Variants in TTYH3 observed in about 807,000 individuals in gnomAD.
TTYH3 encodes protein tweety homolog 3.
A neutral mutation model predicts 68.2 loss-of-function variants in TTYH3; 23 were observed. That is an observed-to-expected ratio of 0.34 (90% confidence interval 0.24 to 0.48). The LOEUF (loss-of-function observed/expected upper bound fraction) is 0.48, where lower values mean the gene tolerates loss of function less well. TTYH3 is among the 20% of genes least tolerant of loss of function. TTYH3 has a pLI of 0.99. For missense variants in TTYH3, 768 were observed against 727.7 expected (o/e 1.06, Z -0.64); for synonymous variants, 360 against 332.8 (o/e 1.08, Z -0.89).
At chr7:2,643,914 G>T (rs549683285) in intron 1 of TTYH3, among the ~76,000 whole-genome samples, 105 of 152,324 alleles carry the variant, frequency 6.9e-4, no homozygotes, top group African/African-American at 2.4e-3. Context: ...GTGAGTCCCA[G>T]ATGTGGGGTG....
chr7:2,646,945 G>T lies in TTYH3; in HGVS notation c.216G>T (p.Arg72=). The change falls in exon 2 of 14, where the codon CGG becomes CGT. Residue 72 remains arginine, a synonymous_variant. Coordinates refer to ENST00000258796, the MANE Select transcript of TTYH3 (RefSeq NM_025250.3). ...LFYSFWLCCR[R]RKSEEHLDAD... The stretch of plus-strand genomic sequence containing the variant: ...ACTCCTTCTGGCTGTGCTGCCGGCG[G>T]CGCAAGAGCGAGGAGCACCTGGACG... 6.2e-7 allele frequency: 1 copy of T among 1,600,444 alleles called. No homozygotes were observed.
intron 13 of TTYH3, among the ~76,000 whole-genome samples, chr7:2,660,943 C>A (rs1786478622): frequency 1.3e-5 from 2 of 152,226 alleles, no homozygotes; most frequent in Admixed American, 1.3e-4. Context: ...AAGACCTTCA[C>A]ACTCCTGCCT....
At position 2,648,449 on chromosome 7, in the gene TTYH3, G is replaced by A. The variant is rs1396237349; in HGVS notation, c.722+395G>A. 3.6e-5 allele frequency: 7 copies of A among 194,798 alleles called. No homozygotes were observed. The South Asian group carries it at 1.0e-3, about 28-fold the overall frequency. 12.1% of individuals were successfully genotyped at this position (194,798 alleles called of 1,614,324 possible). On this transcript the variant is annotated intron_variant, in intron 5 of 13. Transcript: ENST00000258796. ...TTCCAGCCCCAGCTCCGGCTCACTA[G>A]GAGGGTGACCTTGGGCAGGTGGCTT...
Position 2,640,286 on chromosome 7 carries a change from C to T in TTYH3, c.124-6567C>T, listed in dbSNP as rs562903395. On this transcript the variant is annotated intron_variant, in intron 1 of 13. Coordinates refer to ENST00000258796, the MANE Select transcript of TTYH3 (RefSeq NM_025250.3). The stretch of plus-strand genomic sequence containing the variant: ...CCAGGGCCTCCTCAGCCCAGCCACG[C>T]GCCACGGTAGCCCACAGGTTGGTGG... Among the ~76,000 whole-genome samples, 81 of 152,312 alleles carry T rather than the reference C, an allele frequency of 5.3e-4. No individual in the cohort carries two copies. The East Asian group carries it at 0.012, about 23-fold the overall frequency.
Position 2,661,833 on chromosome 7 carries a change from C to T in TTYH3, c.*94C>T, listed in dbSNP as rs1786506382. 7 of 1,380,446 alleles carry T rather than the reference C, an allele frequency of 5.1e-6. No homozygotes were observed. Among genetic ancestry groups the T allele is most frequent in the East Asian group, 2.5e-5 (1 of 40,238 alleles). The allele number at this position is 1,380,446 out of a possible 1,614,324, so 85.5% of individuals were successfully genotyped here. A position where few individuals can be genotyped will look rare whatever the true frequency, so the allele number is the denominator to read the frequency against. On this transcript the variant is annotated 3_prime_UTR_variant, in exon 14 of 14. Coordinates refer to ENST00000258796, the MANE Select transcript of TTYH3 (RefSeq NM_025250.3). The stretch of plus-strand genomic sequence containing the variant: ...CTGGGCCACCCACCGGACCCTCGCA[C>T]GCCGTGCCAGGCCTGCCCCAGACGC...
At chr7:2,651,142 A>C (rs896113626) in intron 7 of TTYH3, among the ~76,000 whole-genome samples, 1 of 152,054 alleles carries the variant, frequency 6.6e-6, no homozygotes, top group Admixed American at 6.5e-5. Flanking sequence ...GGGTGCCGTC[A>C]GTGTGTTAAG....
intron 8 of TTYH3, 48 bp from the exon 9 acceptor site, chr7:2,652,870 C>A (rs140652743): frequency 1.4e-6 from 2 of 1,450,354 alleles, no homozygotes; most frequent in Admixed American, 4.1e-5. Flanking sequence ...GAGGGAGAGG[C>A]GGGCGGACCC....
chr7:2,660,083 G>A (rs1399779110), intron 13 of TTYH3: 1 of 1,285,280 alleles, frequency 7.8e-7, no homozygotes, highest in African/African-American at 1.5e-5. Flanking sequence ...CCACCCGCCT[G>A]CGCCTCCCGC....
At chr7:2,634,072 G>A (rs2114968574) in intron 1 of TTYH3, among the ~76,000 whole-genome samples, 1 of 152,316 alleles carries the variant, frequency 6.6e-6, no homozygotes, top group African/African-American at 2.4e-5. Context: ...GGAGGGCTCT[G>A]ACTCACTCTC....
intron 4 of TTYH3, 50 bp from the exon 5 acceptor site, chr7:2,647,908 TC>T (rs1343047106): frequency 1.3e-6 from 2 of 1,592,158 alleles, no homozygotes; most frequent in Admixed American, 3.3e-5. Context: ...GGCGCCCCAC[TC>T]CCAGGCCCCG....
intron 11 of TTYH3, among the ~76,000 whole-genome samples, chr7:2,657,911 G>T (rs1404296699): frequency 1.3e-5 from 2 of 152,208 alleles, no homozygotes; most frequent in Non-Finnish European, 2.9e-5. Flanking sequence ...ACCCAAGGGT[G>T]CAGTTGGATC....
At chr7:2,654,559 T>C (rs1173102259) in intron 9 of TTYH3, among the ~76,000 whole-genome samples, 2 of 152,326 alleles carry the variant, frequency 1.3e-5, no homozygotes, top group Non-Finnish European at 2.9e-5. Flanking sequence ...TTGGCGTTTT[T>C]GCACTCGAGT....
chr7:2,656,473 G>A lies in TTYH3; in HGVS notation c.1189G>A (p.Val397Ile), dbSNP rs773510160. Reference protein sequence around the residue: ...GLIYLALFSFVTALMFSSIVC... With the variant: ...GLIYLALFSFITALMFSSIVC... ...CATCTACCTGGCCCTCTTCTCCTTC[G>A]TCACAGCCCTCATGTTCAGCTCCAT... The change falls in exon 11 of 14, where the codon GTC becomes ATC. Residue 397 changes from valine (V) to isoleucine (I), a missense_variant. By Grantham distance (29) the Val-to-Ile change is conservative. Transcript: ENST00000258796. The A allele has an allele frequency of 1.9e-5, 30 of 1,612,028 alleles. No individual in the cohort carries two copies. Among genetic ancestry groups the A allele is most frequent in the South Asian group, 3.3e-5 (3 of 91,058 alleles).
In TTYH3 at chr7:2,645,293, G is replaced by A. The variant is rs1051673493; in HGVS notation, c.124-1560G>A. Among the ~76,000 whole-genome samples, 1 of 152,244 alleles carries A rather than the reference G, an allele frequency of 6.6e-6. No homozygotes were observed. On this transcript the variant is annotated intron_variant, in intron 1 of 13. Transcript: ENST00000258796. The surrounding 1 kb of genome is among the most constrained non-coding windows in gnomAD (Gnocchi z 4.8). Reference sequence around the variant, plus strand: ...CCAGGGACCTGGGGTTGCAGGGCCTGTGTGCTTTCTCTGTAGCTTCTATGA... The same window carrying A: ...CCAGGGACCTGGGGTTGCAGGGCCTATGTGCTTTCTCTGTAGCTTCTATGA...
intron 1 of TTYH3, among the ~76,000 whole-genome samples, chr7:2,637,658 C>T (rs1204930072): frequency 6.6e-6 from 1 of 152,156 alleles, no homozygotes; most frequent in African/African-American, 2.4e-5. Flanking sequence ...GGCCTGGGGT[C>T]AAGGACATGG....
intron 9 of TTYH3, among the ~76,000 whole-genome samples, chr7:2,655,143 C>T (rs1373804700): frequency 6.6e-6 from 1 of 150,732 alleles, no homozygotes; most frequent in Non-Finnish European, 1.5e-5. Flanking sequence ...AAATCCATTT[C>T]TTTTTTTTTG....
intron 7 of TTYH3, among the ~76,000 whole-genome samples, chr7:2,651,508 T>C (rs991759191): frequency 1.2e-4 from 19 of 152,282 alleles, no homozygotes; most frequent in Middle Eastern, 3.4e-3. Context: ...TCCTGGTCCC[T>C]CCAGGTCCCT....
At chr7:2,660,070 C>A in intron 13 of TTYH3, 1 of 1,291,558 alleles carries the variant, frequency 7.7e-7, no homozygotes, top group South Asian at 1.3e-5. Context: ...CCATCCCGCA[C>A]GGCCACCCGC....
chr7:2,639,645 G>A (rs77003838), intron 1 of TTYH3, among the ~76,000 whole-genome samples: 6,815 of 152,316 alleles, frequency 0.045, 534 homozygotes, highest in African/African-American at 0.15. Flanking sequence ...TGGGGACTCC[G>A]TCCCCATCCA....
Sources: allele counts gnomAD v4.1 joint callset (sites outside exome capture counted in the v4.1 genomes callset), GRCh38; gene constraint gnomAD v4.1.1; non-coding constraint Gnocchi (gnomAD v3.1); transcripts MANE v1.5; gene names NCBI Gene and HGNC (gene_info 2026-07-23, HGNC 2026-07-21).